NAV2: variants seen among roughly 807,000 people sequenced by gnomAD.
NAV2 encodes the protein helicase, APC down-regulated 1.
NAV2 carries 54 observed loss-of-function variants against 223.2 expected under a neutral mutation model. The ratio of observed to expected loss-of-function variants is 0.24; its 90% confidence interval spans 0.19 to 0.30. The LOEUF (loss-of-function observed/expected upper bound fraction) is 0.30. NAV2 is among the 10% of genes least tolerant of loss of function. The pLI is 1.00. For missense variants in NAV2, 2,806 were observed against 3,147.5 expected (o/e 0.89, Z 2.60); for synonymous variants, 1,279 against 1,239.3 (o/e 1.03, Z -0.67).
chr11:19,731,435 T>G (rs1287791870), intron 1 of NAV2, among the ~76,000 whole-genome samples: 2 of 152,226 alleles, frequency 1.3e-5, no homozygotes, highest in Non-Finnish European at 2.9e-5. Context: ...TTAATGAGAA[T>G]GAGACAGATG....
intron 37 of NAV2, among the ~76,000 whole-genome samples, chr11:20,117,073 G>T (rs1035882580): frequency 6.6e-6 from 1 of 152,196 alleles, no homozygotes; most frequent in Non-Finnish European, 1.5e-5. Flanking sequence ...ACTCTGCAAA[G>T]CATCCTGAGG....
At chr11:19,642,332 G>T (rs777372741) in intron 1 of NAV2, among the ~76,000 whole-genome samples, 1 of 152,186 alleles carries the variant, frequency 6.6e-6, no homozygotes, top group Non-Finnish European at 1.5e-5. Flanking sequence ...TGTGAGAATT[G>T]CTCAGTACAG....
chr11:19,819,362 T>G (rs1458136365), intron 1 of NAV2, among the ~76,000 whole-genome samples: 4 of 152,058 alleles, frequency 2.6e-5, no homozygotes, highest in African/African-American at 9.7e-5. Flanking sequence ...TCCTAGGTGG[T>G]GGGGGAAGGG....
At chr11:19,427,057 A>C (rs1303026087) in intron 1 of NAV2, among the ~76,000 whole-genome samples, 1 of 151,940 alleles carries the variant, frequency 6.6e-6, no homozygotes, top group Non-Finnish European at 1.5e-5. Context: ...GCTGACCGGG[A>C]CACTCTTAGC....
Position 19,713,792 on chromosome 11 carries a change from G to T in NAV2, c.97G>T (p.Gly33Cys), listed in dbSNP as rs777165052. ...PILHVPPARA[G>C]PQPCYLKLGS... ...CCTGCACGTGCCCCCGGCCCGGGCG[G>T]GCCCCCAGCCCTGCTACCTGAAGTT... The change falls in exon 1 of 38, where the codon GGC becomes TGC. Residue 33 changes from glycine to cysteine, a missense_variant. Physicochemically the swap from Gly to Cys is radical, Grantham distance 159. This residue lies in a region of NAV2 where 1,167 missense variants were observed against 1,180.5 expected (regional missense o/e 0.99). Coordinates refer to ENST00000349880, the MANE Select transcript of NAV2 (RefSeq NM_145117.5). This position sits in a 1 kb window ranked among gnomAD's most constrained non-coding sequence, Gnocchi z 7.2. 2 of 1,612,946 alleles carry T rather than the reference G, an allele frequency of 1.2e-6. No individual in the cohort carries two copies. The highest frequency in any genetic ancestry group is 2.2e-5 in the South Asian group (2 of 90,960).
At chr11:19,964,701 A>G (rs1338560537) in intron 10 of NAV2, among the ~76,000 whole-genome samples, 1 of 148,148 alleles carries the variant, frequency 6.8e-6, no homozygotes, top group African/African-American at 2.5e-5. Context: ...GTGTCTTGCT[A>G]TGTTGTCCAG....
intron 30 of NAV2, among the ~76,000 whole-genome samples, 199 bp from the exon 31 acceptor site, chr11:20,097,378 T>C (rs2061348782): frequency 6.6e-6 from 1 of 152,112 alleles, no homozygotes; most frequent in African/African-American, 2.4e-5. Context: ...CAAATAAATC[T>C]GTATTTTAAG....
At position 19,800,185 on chromosome 11, in the gene NAV2, G is replaced by A. The variant is rs544047142; in HGVS notation, c.268-32299G>A. Among the ~76,000 whole-genome samples, 102 of 152,280 alleles carry A rather than the reference G, an allele frequency of 6.7e-4. No individual in the cohort carries two copies. The South Asian group carries it at 0.019, about 28-fold the overall frequency. On this transcript the variant is annotated intron_variant, in intron 1 of 37. Coordinates refer to ENST00000349880, the MANE Select transcript of NAV2 (RefSeq NM_145117.5). ...TGTCCTCCCCACTAGCTAGATTGAC[G>A]TTCCTCCCTGCACACTAGAGTTTGC...
At chr11:19,804,463 G>A (rs2058437628) in intron 1 of NAV2, among the ~76,000 whole-genome samples, 2 of 152,172 alleles carry the variant, frequency 1.3e-5, no homozygotes, top group Non-Finnish European at 2.9e-5. Context: ...TCTTGAGAAG[G>A]TCAGTTATCA....
At chr11:19,440,726 C>A (rs1851371812) in intron 1 of NAV2, among the ~76,000 whole-genome samples, 1 of 152,180 alleles carries the variant, frequency 6.6e-6, no homozygotes, top group Non-Finnish European at 1.5e-5. Flanking sequence ...AGTCTACACA[C>A]CTCCTGGCAT....
At chr11:19,912,493 A>G (rs1446560593) in intron 6 of NAV2, among the ~76,000 whole-genome samples, 1 of 152,190 alleles carries the variant, frequency 6.6e-6, no homozygotes, top group Non-Finnish European at 1.5e-5. Context: ...ACCCAGCCCC[A>G]TGAGACTGGT....
intron 1 of NAV2, among the ~76,000 whole-genome samples, chr11:19,634,322 C>A (rs899873581): frequency 7.2e-5 from 11 of 152,144 alleles, no homozygotes; most frequent in Non-Finnish European, 1.2e-4. Flanking sequence ...AAACAACAGA[C>A]CCTGGGGTCT....
At chr11:19,667,135 C>A (rs1484518833) in intron 1 of NAV2, among the ~76,000 whole-genome samples, 1 of 152,170 alleles carries the variant, frequency 6.6e-6, no homozygotes, top group East Asian at 1.9e-4. Flanking sequence ...CAATACTGTC[C>A]CCATTGTCAC....
intron 11 of NAV2, among the ~76,000 whole-genome samples, chr11:19,985,639 T>C (rs2050728275): frequency 6.6e-6 from 1 of 152,064 alleles, no homozygotes; most frequent in African/African-American, 2.4e-5. Context: ...TGCAGTGGCA[T>C]GATCCTGGCT....
intron 12 of NAV2, among the ~76,000 whole-genome samples, chr11:20,037,549 G>C (rs2056506982): frequency 6.6e-6 from 1 of 152,176 alleles, no homozygotes; most frequent in Non-Finnish European, 1.5e-5. Context: ...TAGTGACAGT[G>C]GGTGGTGGTA....
chr11:20,057,020 G>C (rs2058404591), intron 19 of NAV2, among the ~76,000 whole-genome samples: 1 of 152,144 alleles, frequency 6.6e-6, no homozygotes, highest in African/African-American at 2.4e-5. Flanking sequence ...AAAGTCCCCA[G>C]CCAGAGAGTG....
chr11:20,077,867 A>G, intron 23 of NAV2, 126 bp from the exon 24 acceptor site: 1 of 767,128 alleles, frequency 1.3e-6, no homozygotes, highest in South Asian at 1.7e-5. Context: ...ATGCCTGTTG[A>G]TCCATCTGAA....
chr11:19,584,382 G>C (rs1258500645), intron 1 of NAV2, among the ~76,000 whole-genome samples: 1 of 152,094 alleles, frequency 6.6e-6, no homozygotes, highest in Non-Finnish European at 1.5e-5. Flanking sequence ...ATTTCCTTCA[G>C]TTCTGCTTTG....
chr11:20,093,131 G>A lies in NAV2; in HGVS notation c.5848G>A (p.Ala1950Thr), dbSNP rs764645844. Residue 1950 changes from alanine (A) to threonine (T), a missense_variant, in exon 29 of 38, where the codon GCT becomes ACT. This residue lies in a region of NAV2 where 824 missense variants were observed against 1,069.4 expected (regional missense o/e 0.77). Transcript: ENST00000349880. The stretch of plus-strand genomic sequence containing the variant: ...GCTGGATGACACTGGTGAATGCTCG[G>A]CTCGGAAGGAAGGAGGCAGGCATGT... ...MLLDDTGECS[A>T]RKEGGRHVKI... is the part of the protein sequence containing the mutation. The A allele has an allele frequency of 4.3e-6, 7 of 1,613,920 alleles. No individual in the cohort carries two copies. The Admixed American group carries it at 6.7e-5, about 15-fold the overall frequency.
Sources: gnomAD v4.1 joint callset for allele counts (sites outside exome capture counted in the v4.1 genomes callset) on GRCh38, gnomAD v4.1.1 for gene constraint, gnomAD v4.1.1 regional missense constraint, Gnocchi (gnomAD v3.1) non-coding constraint, MANE v1.5 for transcripts, NCBI Gene and HGNC (gene_info 2026-07-23, HGNC 2026-07-21) for gene names.